DNM3: variants seen among roughly 807,000 people sequenced by gnomAD.
DNM3 encodes the protein dynamin-3.
DNM3 carries 47 observed loss-of-function variants against 101.6 expected under a neutral mutation model. The observed-to-expected ratio is 0.46, with a 90% confidence interval of 0.37 to 0.59. The LOEUF (loss-of-function observed/expected upper bound fraction) is 0.59, where lower values mean the gene tolerates loss of function less well. Ranked by LOEUF, DNM3 falls within the 20% of genes least tolerant of loss-of-function variation. DNM3 has a pLI of 0.00. For synonymous variants in DNM3, 385 were observed against 387.9 expected, an observed-to-expected ratio of 0.99 and a Z score of 0.09; for missense variants, 849 against 1,085.7, an observed-to-expected ratio of 0.78 and a Z score of 3.06.
chr1:172,039,693 G>A (rs1316688480), intron 7 of DNM3, among the ~76,000 whole-genome samples: 3 of 151,952 alleles, frequency 2.0e-5, no homozygotes, highest in African/African-American at 7.3e-5. Context: ...TTCTTGATTT[G>A]CAGAGGGCTG....
At chr1:172,228,867 T>C (rs1293049675) in intron 14 of DNM3, among the ~76,000 whole-genome samples, 3 of 152,132 alleles carry the variant, frequency 2.0e-5, no homozygotes, top group African/African-American at 7.2e-5. Context: ...TGGAGTGCAG[T>C]CCCACAAGTT....
At chr1:172,239,003 C>A (rs2148640911) in intron 14 of DNM3, among the ~76,000 whole-genome samples, 1 of 152,266 alleles carries the variant, frequency 6.6e-6, no homozygotes, top group East Asian at 1.9e-4. Context: ...CTTTCCTTGA[C>A]CTCTTCTGCA....
intron 18 of DNM3, among the ~76,000 whole-genome samples, chr1:172,381,821 A>G (rs2068923358): frequency 6.6e-6 from 1 of 152,192 alleles, no homozygotes; most frequent in African/African-American, 2.4e-5. Flanking sequence ...GCATCTTTAA[A>G]TGAGTTTGGA....
chr1:172,316,623 A>C (rs1017701924), intron 16 of DNM3, among the ~76,000 whole-genome samples: 1 of 152,128 alleles, frequency 6.6e-6, no homozygotes, highest in African/African-American at 2.4e-5. Flanking sequence ...AAACCAACAA[A>C]GATCAAAAGA....
chr1:172,058,859 AG>A (rs1356143499), intron 10 of DNM3, among the ~76,000 whole-genome samples: 4 of 141,492 alleles, frequency 2.8e-5, no homozygotes, highest in African/African-American at 1.1e-4. Flanking sequence ...GCAGAACTGA[AG>A]GAAATAGAGA....
At chr1:172,292,617 A>G (rs112152912) in intron 15 of DNM3, among the ~76,000 whole-genome samples, 3 of 146,208 alleles carry the variant, frequency 2.1e-5, no homozygotes, top group African/African-American at 8.1e-5. Context: ...ACACACACAC[A>G]CACACACGCG....
intron 20 of DNM3, chr1:172,393,993 G>C (rs2069751442): frequency 6.6e-6 from 1 of 152,078 alleles, no homozygotes; most frequent in Non-Finnish European, 1.5e-5. Context: ...GCCACATGCT[G>C]TTCATTAAAG....
intron 1 of DNM3, among the ~76,000 whole-genome samples, chr1:171,891,029 T>C (rs1197112658): frequency 6.6e-6 from 1 of 152,106 alleles, no homozygotes. Context: ...TTAAAAATAG[T>C]TGGTTTCTGA....
At chr1:172,152,920 A>G (rs1039958328) in intron 14 of DNM3, among the ~76,000 whole-genome samples, 1 of 152,202 alleles carries the variant, frequency 6.6e-6, no homozygotes, top group African/African-American at 2.4e-5. Context: ...AAAGCTTTGA[A>G]TTAACATTCA....
chr1:172,038,348 AC>A lies in DNM3; in HGVS notation c.881del (p.Pro294GlnfsTer14). The stretch of plus-strand genomic sequence containing the variant: ...TTACCAACCACATTCGGGATACCCT[AC>A]CAAACTTCAGGAACAAACTACAGGG... ...QLTNHIRDTL[P>X]NFRNKLQGQL... On this transcript the variant is annotated frameshift_variant, in exon 7 of 21. Transcript: ENST00000627582. LOFTEE classifies it high-confidence loss of function. 1 of 1,613,400 alleles carries A rather than the reference AC, an allele frequency of 6.2e-7. No homozygotes were observed. The highest frequency in any genetic ancestry group is 8.5e-7 in the Non-Finnish European group (1 of 1,179,558).
At chr1:172,348,703 T>C (rs1470646022) in intron 17 of DNM3, among the ~76,000 whole-genome samples, 1 of 152,180 alleles carries the variant, frequency 6.6e-6, no homozygotes, top group Admixed American at 6.5e-5. Context: ...TGTATTTAGG[T>C]ACAAAAGAGA....
chr1:171,930,389 G>A (rs2040911315), intron 2 of DNM3, among the ~76,000 whole-genome samples: 1 of 152,136 alleles, frequency 6.6e-6, no homozygotes. Context: ...TCTTTCCTAG[G>A]GTTATGTATG....
chr1:172,088,512 T>C (rs1040759979), intron 12 of DNM3, among the ~76,000 whole-genome samples: 3 of 152,152 alleles, frequency 2.0e-5, no homozygotes, highest in African/African-American at 7.2e-5. Flanking sequence ...AAATTCTCCA[T>C]AACTGGCCCC....
chr1:172,354,112 T>TGTGTGAGAGAGAGAGAGAGAGAGAGA (rs138540712), intron 17 of DNM3, among the ~76,000 whole-genome samples: 3 of 94,962 alleles, frequency 3.2e-5, no homozygotes, highest in Admixed American at 1.3e-4. Flanking sequence ...TGTGTGTGTG[T>TGTGTGAGAGAGAGAGAGAGAGAGAGA]GAGAGAGAGA....
In DNM3 at chr1:172,134,312, G is replaced by A. The variant is rs117445111; in HGVS notation, c.1659+3024G>A. 2.8e-3 allele frequency among the ~76,000 whole-genome samples: 421 copies of A among 152,222 alleles called. 11 individuals are homozygous for A. In the East Asian group the frequency reaches 0.034, roughly 12 times the overall value. On this transcript the variant is annotated intron_variant, in intron 14 of 20. Coordinates refer to ENST00000627582, the MANE Select transcript of DNM3 (RefSeq NM_015569.5). ...TCATTGAGACTGAAAGCTGGCCTTC[G>A]TGAATTTAAGCAGGTATAATGACTA...
In DNM3 at chr1:172,409,302, T is replaced by C. The variant is rs1017758480; in HGVS notation, c.*1461T>C. ...TGTCTCCCTTTGAAAGTAGCAAACATGATTTGTATGTTAACTTAACTTTAA... is the reference window on the plus strand; with the variant it reads ...TGTCTCCCTTTGAAAGTAGCAAACACGATTTGTATGTTAACTTAACTTTAA... On this transcript the variant is annotated 3_prime_UTR_variant, in exon 21 of 21. Transcript: ENST00000627582. 9.1e-6 allele frequency: 9 copies of C among 985,222 alleles called. No individual in the cohort carries two copies. In the African/African-American group the frequency reaches 1.4e-4, roughly 15 times the overall value. 61.0% of individuals were successfully genotyped at this position (985,222 alleles called of 1,614,324 possible).
At chr1:172,293,259 T>C (rs931250898) in intron 15 of DNM3, among the ~76,000 whole-genome samples, 1 of 152,202 alleles carries the variant, frequency 6.6e-6, no homozygotes, top group Non-Finnish European at 1.5e-5. Context: ...GAATTAAACT[T>C]TGGATTTTTA....
At position 172,411,508 on chromosome 1, in the gene DNM3, T is replaced by C. The variant is rs147235168; in HGVS notation, c.*3667T>C. 5.1e-6 allele frequency: 5 copies of C among 981,286 alleles called. No individual in the cohort carries two copies. The highest frequency in any genetic ancestry group is 9.5e-5 in the South Asian group (2 of 21,132). The allele number at this position is 981,286 out of a possible 1,614,324, so 60.8% of individuals were successfully genotyped here. ...TGAATCTTAAAAAGCCAAGTTGATA[T>C]ACATAGTCATTTTTCCTCTATGGTA... On this transcript the variant is annotated 3_prime_UTR_variant, in exon 21 of 21. Coordinates refer to ENST00000627582, the MANE Select transcript of DNM3 (RefSeq NM_015569.5).
intron 1 of DNM3, among the ~76,000 whole-genome samples, chr1:171,852,827 G>A (rs573901220): frequency 1.3e-5 from 2 of 152,236 alleles, no homozygotes; most frequent in East Asian, 3.9e-4. Context: ...ATGACTTGCT[G>A]GCTGCTTGGC....
Sources: gnomAD v4.1 joint callset for allele counts (sites outside exome capture counted in the v4.1 genomes callset) on GRCh38, gnomAD v4.1.1 for gene constraint, MANE v1.5 for transcripts, NCBI Gene and HGNC (gene_info 2026-07-23, HGNC 2026-07-21) for gene names.